Variants in GPBP1 observed in about 807,000 individuals in gnomAD.
GPBP1 encodes the protein vasculin.
In GPBP1, 13 loss-of-function variants were observed where a neutral mutation model predicts 56.5. The observed-to-expected ratio is 0.23, with a 90% CI of 0.15 to 0.37. The LOEUF (loss-of-function observed/expected upper bound fraction) is 0.37, where lower values mean the gene tolerates loss of function less well. Among genes scored for constraint, GPBP1 ranks in the 10% least tolerant of loss-of-function variants. The pLI, the probability that GPBP1 is intolerant of heterozygous loss-of-function variation, is 1.00. For missense variants in GPBP1, 477 were observed against 572.3 expected (o/e 0.83, Z 1.70); for synonymous variants, 204 against 188.9 (o/e 1.08, Z -0.66).
chr5:57,216,464 G>A (rs1226333250), intron 3 of GPBP1, among the ~76,000 whole-genome samples: 1 of 152,168 alleles, frequency 6.6e-6, no homozygotes, highest in Non-Finnish European at 1.5e-5. Context: ...GCTCACACCT[G>A]TAATCCCAGC....
chr5:57,234,671 C>T (rs1359742334), intron 5 of GPBP1, among the ~76,000 whole-genome samples: 2 of 152,168 alleles, frequency 1.3e-5, no homozygotes, highest in African/African-American at 4.8e-5. Flanking sequence ...AGATGTGCAG[C>T]AGAAAAGGAA....
intron 2 of GPBP1, among the ~76,000 whole-genome samples, chr5:57,211,785 G>T (rs1755492907): frequency 6.6e-6 from 1 of 151,684 alleles, no homozygotes; most frequent in Admixed American, 6.6e-5. Context: ...GTTTCTCCTT[G>T]TTGGTCAAAC....
chr5:57,214,582 T>TCAAAA (rs966867917), intron 3 of GPBP1, among the ~76,000 whole-genome samples: 7 of 152,120 alleles, frequency 4.6e-5, no homozygotes, highest in East Asian at 1.9e-4. Context: ...CGAAACTGTC[T>TCAAAA]CAAAACAAAA....
At chr5:57,217,291 G>C (rs970187996) in intron 3 of GPBP1, among the ~76,000 whole-genome samples, 1 of 152,092 alleles carries the variant, frequency 6.6e-6, no homozygotes, top group Non-Finnish European at 1.5e-5. Context: ...AACAACTACT[G>C]CCTGGGTGCG....
At position 57,247,186 on chromosome 5, in the gene GPBP1, T is replaced by G; in HGVS notation, c.775T>G (p.Phe259Val). The G allele has an allele frequency of 1.9e-6, 3 of 1,613,530 alleles. No homozygotes were observed. The highest frequency in any genetic ancestry group is 2.5e-6 in the Non-Finnish European group (3 of 1,179,742). ...TGCTTTTAAATCAACTGCCAAGAAC[T>G]TTAGTCCATCTACAAATTCAGTGAA... The part of the protein sequence containing the change: ...FNAFKSTAKN[F>V]SPSTNSVKEC... Residue 259 changes from phenylalanine to valine, a missense_variant, in exon 8 of 12, where the codon TTT (phenylalanine) becomes GTT (valine). Transcript: ENST00000506184.
intron 10 of GPBP1, among the ~76,000 whole-genome samples, chr5:57,255,289 G>A (rs1283268248): frequency 6.6e-6 from 1 of 150,538 alleles, no homozygotes; most frequent in Non-Finnish European, 1.5e-5. Flanking sequence ...AAATAATGCT[G>A]TTATCAGCAT....
intron 10 of GPBP1, among the ~76,000 whole-genome samples, chr5:57,252,125 ACCCACC>A (rs1185397998): frequency 1.7e-5 from 1 of 57,534 alleles, no homozygotes; most frequent in African/African-American, 6.3e-5. Context: ...ATCACCTCCC[ACCCACC>A]CCCACCCCCA....
intron 6 of GPBP1, among the ~76,000 whole-genome samples, chr5:57,240,711 A>C (rs1438358829): frequency 6.6e-6 from 1 of 152,140 alleles, no homozygotes; most frequent in East Asian, 1.9e-4. Flanking sequence ...GGTGGCTCTC[A>C]CACCTGTAAT....
In GPBP1 at chr5:57,175,910, T is replaced by C. The variant is rs1753772938; in HGVS notation, c.-548T>C. ...TCTTTCATGTCACAATGGGACACTT[T>C]TTCTGAATGAAGAGATTGAAAGAAT... On this transcript the variant is annotated 5_prime_UTR_variant, in exon 2 of 12. Coordinates refer to ENST00000506184, the MANE Select transcript of GPBP1 (RefSeq NM_022913.4). 2.5e-6 allele frequency: 1 copy of C among 398,496 alleles called. No homozygotes were observed. Among genetic ancestry groups the C allele is most frequent in the Admixed American group, 4.4e-5 (1 of 22,730 alleles). The allele number at this position is 398,496 out of a possible 1,614,324, so 24.7% of individuals were successfully genotyped here.
chr5:57,262,795 C>T lies in GPBP1; in HGVS notation c.*43C>T, dbSNP rs1741960779. On this transcript the variant is annotated 3_prime_UTR_variant, in exon 12 of 12. Transcript: ENST00000506184. ...TTAGAAATCTTAGTGTGATACATCTCTCATACAGTTTGGGGTGAATTGTAA... is the reference window on the plus strand; with the variant it reads ...TTAGAAATCTTAGTGTGATACATCTTTCATACAGTTTGGGGTGAATTGTAA... 2.6e-6 allele frequency: 4 copies of T among 1,546,056 alleles called. No individual in the cohort carries two copies. The Admixed American group carries it at 6.9e-5, about 27-fold the overall frequency.
intron 6 of GPBP1, among the ~76,000 whole-genome samples, chr5:57,236,431 A>G (rs1756664777): frequency 6.6e-6 from 1 of 152,178 alleles, no homozygotes; most frequent in South Asian, 2.1e-4. Context: ...CATGAAGTTA[A>G]TATTTTTACC....
chr5:57,187,746 A>G (rs528304343), intron 2 of GPBP1, among the ~76,000 whole-genome samples: 1 of 152,096 alleles, frequency 6.6e-6, no homozygotes, highest in Non-Finnish European at 1.5e-5. Flanking sequence ...AAATTGTAAA[A>G]TAATACAGAC....
chr5:57,240,802 C>G (rs748381721), intron 6 of GPBP1, among the ~76,000 whole-genome samples: 18 of 151,914 alleles, frequency 1.2e-4, no homozygotes, highest in Non-Finnish European at 2.1e-4. Context: ...TGGAGAAACC[C>G]TGTCACTACT....
At chr5:57,204,908 T>A (rs1024930442) in intron 2 of GPBP1, among the ~76,000 whole-genome samples, 4 of 152,246 alleles carry the variant, frequency 2.6e-5, no homozygotes, top group Admixed American at 2.6e-4. Flanking sequence ...TTATGTTTTT[T>A]AATTTATTCA....
chr5:57,177,530 A>G (rs568300942), intron 2 of GPBP1, among the ~76,000 whole-genome samples: 3 of 151,856 alleles, frequency 2.0e-5, no homozygotes, highest in African/African-American at 4.8e-5. Context: ...ATGGAGTACA[A>G]TGGCATGATT....
chr5:57,258,070 A>G (rs568534535), intron 10 of GPBP1, among the ~76,000 whole-genome samples: 2 of 152,246 alleles, frequency 1.3e-5, no homozygotes, highest in Non-Finnish European at 2.9e-5. Flanking sequence ...ATTTGTGACC[A>G]TGGCACAAAC....
At chr5:57,260,591 T>C (rs1420425116) in intron 10 of GPBP1, among the ~76,000 whole-genome samples, 2 of 152,226 alleles carry the variant, frequency 1.3e-5, no homozygotes, top group East Asian at 1.9e-4. Context: ...TGCAGAATTT[T>C]TTTCTTGAAA....
At chr5:57,229,310 G>A (rs1756340117) in intron 3 of GPBP1, among the ~76,000 whole-genome samples, 1 of 144,722 alleles carries the variant, frequency 6.9e-6, no homozygotes, top group Non-Finnish European at 1.5e-5. Flanking sequence ...TTATATATTG[G>A]CCAATGGGCA....
chr5:57,182,282 C>A (rs1233606666), intron 2 of GPBP1, among the ~76,000 whole-genome samples: 2 of 152,038 alleles, frequency 1.3e-5, no homozygotes, highest in Non-Finnish European at 2.9e-5. Flanking sequence ...TGGGGTTTCA[C>A]CATGTTGACC....
Sources: allele counts gnomAD v4.1 joint callset (sites outside exome capture counted in the v4.1 genomes callset), GRCh38; gene constraint gnomAD v4.1.1; transcripts MANE v1.5; gene names NCBI Gene and HGNC (gene_info 2026-07-23, HGNC 2026-07-21).